The following ZNF638 variants were observed in gnomAD, a reference collection of about 807,000 sequenced individuals.
ZNF638 encodes CTCL tumor antigen se33-1.
Under a neutral mutation model 195.6 loss-of-function variants are expected in ZNF638, and 46 were observed. The ratio of observed to expected loss-of-function variants is 0.24; its 90% confidence interval spans 0.19 to 0.30. The LOEUF (loss-of-function observed/expected upper bound fraction) is 0.30. Among genes scored for constraint, ZNF638 ranks in the 10% least tolerant of loss-of-function variants. The pLI, the probability that ZNF638 is intolerant of heterozygous loss-of-function variation, is 1.00. For synonymous variants in ZNF638, 845 were observed against 772.0 expected, an observed-to-expected ratio of 1.09 and a Z score of -1.57; for missense variants, 2,440 against 2,325.3, an observed-to-expected ratio of 1.05 and a Z score of -1.01.
chr2:71,333,144 G>T (rs955526573), intron 1 of ZNF638: 1 of 152,164 alleles, frequency 6.6e-6, no homozygotes, highest in African/African-American at 2.4e-5. Context: ...TTTAAATTTT[G>T]TTAATGATTA....
chr2:71,385,780 C>G (rs2079624916), intron 10 of ZNF638, among the ~76,000 whole-genome samples: 1 of 152,112 alleles, frequency 6.6e-6, no homozygotes, highest in Non-Finnish European at 1.5e-5. Flanking sequence ...TTTTTTCATA[C>G]AACTCCATGT....
At chr2:71,366,257 G>A (rs567945976) in intron 6 of ZNF638, among the ~76,000 whole-genome samples, 2 of 152,080 alleles carry the variant, frequency 1.3e-5, no homozygotes, top group Non-Finnish European at 2.9e-5. Flanking sequence ...GGCCTTGGGA[G>A]GCTCAGGTGG....
At chr2:71,399,207 T>C (rs1440086480) in intron 12 of ZNF638, among the ~76,000 whole-genome samples, 1 of 152,144 alleles carries the variant, frequency 6.6e-6, no homozygotes, top group Non-Finnish European at 1.5e-5. Context: ...TTTAGCACCT[T>C]GCAACTAGAG....
chr2:71,365,122 T>C (rs1017384803), intron 5 of ZNF638, among the ~76,000 whole-genome samples: 2 of 152,218 alleles, frequency 1.3e-5, no homozygotes, highest in African/African-American at 4.8e-5. Flanking sequence ...TGCACCAACC[T>C]AACATATGAA....
At chr2:71,398,810 C>G (rs150614233) in intron 12 of ZNF638, 38 bp downstream of exon 12, 1 of 1,500,504 alleles carries the variant, frequency 6.7e-7, no homozygotes, top group Non-Finnish European at 9.1e-7. Context: ...ATTGTTTATT[C>G]TTTATTTATG....
chr2:71,391,232 C>A (rs1168359003), intron 10 of ZNF638, among the ~76,000 whole-genome samples: 2 of 152,206 alleles, frequency 1.3e-5, no homozygotes, highest in African/African-American at 4.8e-5. Flanking sequence ...GGGCTCCCTT[C>A]CCCTGTGGCA....
rs1269000439 is a variant in ZNF638 at position 71,376,811 on chromosome 2, G to A, written c.2266-3411G>A. ...TCTTTAATAATAACCTTGTAACCTA[G>A]TCTTTAATAATAATAATTTAATAAT... On this transcript the variant is annotated intron_variant, in intron 8 of 27. Coordinates refer to ENST00000264447, the MANE Select transcript of ZNF638 (RefSeq NM_014497.5). Among the ~76,000 whole-genome samples the A allele has an allele frequency of 2.0e-5, 3 of 152,162 alleles. No homozygotes were observed. The East Asian group carries it at 5.8e-4, about 29-fold the overall frequency.
At chr2:71,384,996 TA>T (rs2079608553) in intron 10 of ZNF638, among the ~76,000 whole-genome samples, 1 of 152,184 alleles carries the variant, frequency 6.6e-6, no homozygotes, top group African/African-American at 2.4e-5. Flanking sequence ...CGATTTCAGC[TA>T]TACCATGGCA....
chr2:71,425,278 G>A (rs548220810), intron 23 of ZNF638, among the ~76,000 whole-genome samples: 1 of 152,108 alleles, frequency 6.6e-6, no homozygotes, highest in African/African-American at 2.4e-5. Context: ...GGCCTATGTT[G>A]TTGGGGCAAG....
chr2:71,404,103 A>AGTGT, intron 17 of ZNF638, 105 bp downstream of exon 17: 1 of 1,170,830 alleles, frequency 8.5e-7, no homozygotes, highest in Non-Finnish European at 1.2e-6. Flanking sequence ...CATTTTTCTC[A>AGTGT]CAGACACTGA....
intron 10 of ZNF638, among the ~76,000 whole-genome samples, chr2:71,392,915 A>G (rs1377650574): frequency 1.3e-5 from 2 of 152,168 alleles, no homozygotes; most frequent in African/African-American, 2.4e-5. Context: ...ACCAGTTCCT[A>G]CCTAATTAGC....
At chr2:71,380,093 T>A in intron 8 of ZNF638, 129 bp from the exon 9 acceptor site, 1 of 468,400 alleles carries the variant, frequency 2.1e-6, no homozygotes, top group Admixed American at 4.3e-5. Flanking sequence ...TTGAAAAAAA[T>A]GTCTTTATAA....
At chr2:71,380,412 G>T in intron 9 of ZNF638, 101 bp from the exon 10 acceptor site, 2 of 1,180,398 alleles carry the variant, frequency 1.7e-6, no homozygotes, top group South Asian at 1.5e-5. Flanking sequence ...CACTCCAGTT[G>T]AATTATTTTA....
Position 71,331,875 on chromosome 2 carries a change from G to C in ZNF638, c.-203G>C. 1 of 986,446 alleles carries C rather than the reference G, an allele frequency of 1.0e-6. No homozygotes were observed. The highest frequency in any genetic ancestry group is 1.2e-6 in the Non-Finnish European group (1 of 830,384). 61.1% of individuals were successfully genotyped at this position (986,446 alleles called of 1,614,324 possible). ...TCCAGCTGTTAGTCGGGTAGGCATA[G>C]GTAGGACCGCTGCCCTGTGGGGAGT... On this transcript the variant is annotated splice_region_variant and 5_prime_UTR_variant, in exon 1 of 28. Transcript: ENST00000264447.
chr2:71,405,811 T>TA (rs1215201453), intron 18 of ZNF638, among the ~76,000 whole-genome samples, 169 bp downstream of exon 18: 1 of 152,218 alleles, frequency 6.6e-6, no homozygotes, highest in African/African-American at 2.4e-5. Context: ...AGGTTTCTTG[T>TA]AGTACTTGAT....
chr2:71,394,527 T>G (rs2104409415), intron 10 of ZNF638, among the ~76,000 whole-genome samples: 1 of 152,290 alleles, frequency 6.6e-6, no homozygotes. Context: ...TTGCTTCACC[T>G]CATGTATCAT....
intron 1 of ZNF638, among the ~76,000 whole-genome samples, chr2:71,332,602 C>A (rs1477303793): frequency 6.6e-6 from 1 of 152,056 alleles, no homozygotes; most frequent in Admixed American, 6.6e-5. Context: ...GAAAACAGAA[C>A]GTTAGTGAAT....
chr2:71,369,847 G>T, intron 7 of ZNF638, 36 bp from the exon 8 acceptor site: 1 of 1,548,094 alleles, frequency 6.5e-7, no homozygotes. Context: ...TTTAAAGATA[G>T]ATTTGTGACT....
chr2:71,336,200 C>T lies in ZNF638; in HGVS notation c.-203+4325C>T, dbSNP rs1161968347. Among the ~76,000 whole-genome samples, 3 of 152,062 alleles carry T rather than the reference C, an allele frequency of 2.0e-5. No homozygotes were observed. In the East Asian group the frequency reaches 5.8e-4, roughly 29 times the overall value. Reference sequence around the variant, plus strand: ...CAGCCTGACCAACATGGAGAAACCCCGTCTCTACTAAAAATACAAAATTAG... The same window carrying T: ...CAGCCTGACCAACATGGAGAAACCCTGTCTCTACTAAAAATACAAAATTAG... On this transcript the variant is annotated intron_variant, in intron 1 of 27. Transcript: ENST00000264447.
Sources: allele counts gnomAD v4.1 joint callset (sites outside exome capture counted in the v4.1 genomes callset), GRCh38; gene constraint gnomAD v4.1.1; transcripts MANE v1.5; gene names NCBI Gene and HGNC (gene_info 2026-07-23, HGNC 2026-07-21).